CNTNAP4: variants seen among roughly 807,000 people sequenced by gnomAD.
The protein encoded by CNTNAP4 is contactin associated protein family member 4, also known as contactin-associated protein-like 4.
A neutral mutation model predicts 148.4 loss-of-function variants in CNTNAP4; 98 were observed. That is an observed-to-expected ratio of 0.66 (90% CI 0.56 to 0.78). The LOEUF is 0.78. CNTNAP4 is among the 30% of genes least tolerant of loss of function. The pLI, the probability that CNTNAP4 is intolerant of heterozygous loss-of-function variation, is 0.00. For missense variants in CNTNAP4, 1,935 were observed against 1,565.6 expected, an observed-to-expected ratio of 1.24 and a Z score of -3.98; for synonymous variants, 730 against 565.1, an observed-to-expected ratio of 1.29 and a Z score of -4.14.
intron 3 of CNTNAP4, among the ~76,000 whole-genome samples, chr16:76,402,250 C>T (rs933627652): frequency 2.6e-5 from 4 of 152,038 alleles, no homozygotes; most frequent in South Asian, 2.1e-4. Context: ...CAATTTCTTC[C>T]GGGTTTAGTC....
At chr16:76,326,389 A>C (rs1192267611) in intron 2 of CNTNAP4, among the ~76,000 whole-genome samples, 2 of 152,160 alleles carry the variant, frequency 1.3e-5, no homozygotes, top group Non-Finnish European at 2.9e-5. Flanking sequence ...ATGCCAGTTC[A>C]TGTGTGTCCT....
chr16:76,405,220 A>G (rs1568029707), intron 3 of CNTNAP4, among the ~76,000 whole-genome samples: 2 of 152,198 alleles, frequency 1.3e-5, no homozygotes, highest in Non-Finnish European at 2.9e-5. Flanking sequence ...ATGAAACATA[A>G]CATTAGGTTA....
intron 15 of CNTNAP4, among the ~76,000 whole-genome samples, chr16:76,511,361 C>T (rs2083019920): frequency 6.6e-6 from 1 of 152,156 alleles, no homozygotes; most frequent in South Asian, 2.1e-4. Flanking sequence ...TCTGAGAAAT[C>T]ACAGCTGCCC....
chr16:76,391,655 G>A (rs1189341118), intron 3 of CNTNAP4, among the ~76,000 whole-genome samples: 1 of 152,162 alleles, frequency 6.6e-6, no homozygotes, highest in African/African-American at 2.4e-5. Flanking sequence ...CAGAACCTCT[G>A]AGTGTGGGGT....
intron 7 of CNTNAP4, among the ~76,000 whole-genome samples, chr16:76,451,186 A>G (rs1268202314): frequency 6.6e-6 from 1 of 152,178 alleles, no homozygotes; most frequent in Admixed American, 6.5e-5. Context: ...ACCACCCCTC[A>G]TCGCACATGA....
At chr16:76,454,356 C>T (rs1295020776) in intron 8 of CNTNAP4, among the ~76,000 whole-genome samples, 1 of 152,142 alleles carries the variant, frequency 6.6e-6, no homozygotes, top group African/African-American at 2.4e-5. Context: ...AACCGCTTTA[C>T]AAGCATGTAT....
intron 17 of CNTNAP4, among the ~76,000 whole-genome samples, chr16:76,529,009 C>G (rs1200355194): frequency 6.6e-6 from 1 of 152,046 alleles, no homozygotes; most frequent in Admixed American, 6.6e-5. Context: ...TGCACAAAAC[C>G]CTTGTATGAC....
chr16:76,489,805 G>A lies in CNTNAP4; in HGVS notation c.2002G>A (p.Ala668Thr), dbSNP rs773872228. The A allele has an allele frequency of 1.2e-5, 20 of 1,606,940 alleles. No homozygotes were observed. Among genetic ancestry groups the A allele is most frequent in the Non-Finnish European group, 1.4e-5 (17 of 1,176,540 alleles). Reference sequence around the variant, plus strand: ...TGTGGCCAGCATGGAGCAACTTCAGGCCACTATTAACCGTGCAGAGCACTG... The same window carrying A: ...TGTGGCCAGCATGGAGCAACTTCAGACCACTATTAACCGTGCAGAGCACTG... The part of the protein sequence containing the change: ...EYVASMEQLQ[A>T]TINRAEHCEQ... The change falls in exon 13 of 24, where the codon GCC becomes ACC. Residue 668 changes from alanine (A) to threonine (T), a missense_variant. Transcript: ENST00000611870.
intron 3 of CNTNAP4, among the ~76,000 whole-genome samples, chr16:76,358,097 G>T (rs567438624): frequency 6.6e-6 from 1 of 152,320 alleles, no homozygotes; most frequent in Admixed American, 6.5e-5. Flanking sequence ...GCTTTGGGAG[G>T]CCAAGGTGGA....
chr16:76,449,642 C>G (rs1172968478), intron 6 of CNTNAP4, 73 bp from the exon 7 acceptor site: 1 of 1,255,788 alleles, frequency 8.0e-7, no homozygotes, highest in East Asian at 2.6e-5. Context: ...TATAGCTATA[C>G]TTGCTAATCA....
chr16:76,306,447 C>T (rs1036270258), intron 1 of CNTNAP4, among the ~76,000 whole-genome samples: 6 of 152,186 alleles, frequency 3.9e-5, no homozygotes, highest in Middle Eastern at 3.4e-3. Context: ...CACGTGAATG[C>T]AATAAAACAT....
chr16:76,406,238 T>C (rs2078596122), intron 3 of CNTNAP4, among the ~76,000 whole-genome samples: 1 of 152,184 alleles, frequency 6.6e-6, no homozygotes, highest in African/African-American at 2.4e-5. Flanking sequence ...CAATCAGTGA[T>C]GTTTGATGTT....
chr16:76,410,201 A>T (rs1203669853), intron 3 of CNTNAP4, among the ~76,000 whole-genome samples: 1 of 151,736 alleles, frequency 6.6e-6, no homozygotes, highest in Non-Finnish European at 1.5e-5. Context: ...GGGAGTATTA[A>T]TATTTCACTT....
chr16:76,379,304 G>T (rs1034971232), intron 3 of CNTNAP4, among the ~76,000 whole-genome samples: 1 of 152,164 alleles, frequency 6.6e-6, no homozygotes, highest in East Asian at 1.9e-4. Flanking sequence ...GAGATTCACA[G>T]AAACTCTTAT....
intron 1 of CNTNAP4, 81 bp from the exon 2 acceptor site, chr16:76,316,332 A>T (rs752463358): frequency 2.4e-6 from 2 of 847,038 alleles, no homozygotes; most frequent in Non-Finnish European, 4.0e-6. Context: ...TTGTTGTTTT[A>T]CTTGTTGGTT....
chr16:76,404,679 A>G (rs2078541249), intron 3 of CNTNAP4, among the ~76,000 whole-genome samples: 1 of 152,144 alleles, frequency 6.6e-6, no homozygotes, highest in African/African-American at 2.4e-5. Flanking sequence ...GTGAGCATGC[A>G]ATGAATAATA....
intron 15 of CNTNAP4, 26 bp downstream of exon 15, chr16:76,498,720 C>T: frequency 6.4e-7 from 1 of 1,559,578 alleles, no homozygotes; most frequent in Non-Finnish European, 8.7e-7. Context: ...GTGTTGAAAC[C>T]GTATTTGAGA....
At chr16:76,530,033 T>A (rs1056022054) in intron 17 of CNTNAP4, among the ~76,000 whole-genome samples, 4 of 152,146 alleles carry the variant, frequency 2.6e-5, no homozygotes, top group Non-Finnish European at 5.9e-5. Context: ...TTCTATGAGA[T>A]TGTCTTATTT....
At chr16:76,454,957 A>T (rs1045648535) in intron 8 of CNTNAP4, among the ~76,000 whole-genome samples, 11 of 152,206 alleles carry the variant, frequency 7.2e-5, no homozygotes, top group Admixed American at 2.0e-4. Flanking sequence ...ATTAAATTGT[A>T]TTGAGAAAGA....
Sources: gnomAD v4.1 joint callset for allele counts (sites outside exome capture counted in the v4.1 genomes callset) on GRCh38, gnomAD v4.1.1 for gene constraint, MANE v1.5 for transcripts, NCBI Gene and HGNC (gene_info 2026-07-23, HGNC 2026-07-21) for gene names.